Variants in NEURL1 observed in about 807,000 individuals in gnomAD.
The protein encoded by NEURL1 is neuralized E3 ubiquitin protein ligase 1.
A neutral mutation model predicts 41.2 loss-of-function variants in NEURL1; 26 were observed. That is an observed-to-expected ratio of 0.63 (90% confidence interval 0.46 to 0.87). NEURL1 has a LOEUF of 0.87. Ranked by LOEUF, NEURL1 falls within the 40% of genes least tolerant of loss-of-function variation. The pLI is 0.00. For synonymous variants in NEURL1, 400 were observed against 402.3 expected (o/e 0.99, Z 0.07); for missense variants, 761 against 871.1 (o/e 0.87, Z 1.59).
intron 4 of NEURL1, 45 bp downstream of exon 4, chr10:103,585,270 CG>C: frequency 2.1e-6 from 3 of 1,423,430 alleles, no homozygotes; most frequent in Non-Finnish European, 2.8e-6. Context: ...TTCCTGGAGG[CG>C]GGGACGATCC....
intron 1 of NEURL1, among the ~76,000 whole-genome samples, chr10:103,499,434 C>CTCCT (rs534142217): frequency 7.4e-5 from 11 of 149,516 alleles, no homozygotes; most frequent in African/African-American, 1.5e-4. Flanking sequence ...CTCTTCTTCC[C>CTCCT]TCCTTCCTTC....
chr10:103,522,842 C>T (rs2034384419), intron 1 of NEURL1, among the ~76,000 whole-genome samples: 2 of 152,044 alleles, frequency 1.3e-5, no homozygotes, highest in African/African-American at 2.4e-5. Flanking sequence ...GCACGCTCTC[C>T]AGTAGTCAGT....
intron 1 of NEURL1, chr10:103,555,381 T>G (rs2035128019): frequency 7.4e-7 from 1 of 1,358,072 alleles, no homozygotes; most frequent in Admixed American, 1.9e-5. Context: ...TCGCCGGAGA[T>G]GGGGGGACAG....
At chr10:103,507,552 T>C (rs1170570991) in intron 1 of NEURL1, among the ~76,000 whole-genome samples, 2 of 152,122 alleles carry the variant, frequency 1.3e-5, no homozygotes, top group Admixed American at 6.6e-5. Context: ...GTGCCATCTC[T>C]GAATCCTGAC....
intron 1 of NEURL1, among the ~76,000 whole-genome samples, chr10:103,513,993 T>C (rs916575708): frequency 2.0e-4 from 30 of 152,166 alleles, no homozygotes; most frequent in African/African-American, 7.0e-4. Flanking sequence ...ACTTTAGCCT[T>C]GGTTTCCCCC....
At chr10:103,568,988 T>A (rs2035483525) in intron 1 of NEURL1, among the ~76,000 whole-genome samples, 1 of 152,166 alleles carries the variant, frequency 6.6e-6, no homozygotes, top group Admixed American at 6.5e-5. Flanking sequence ...CTAATTTTTG[T>A]ATTTTTAGTA....
At chr10:103,535,297 G>A (rs2034667845) in intron 1 of NEURL1, among the ~76,000 whole-genome samples, 1 of 152,102 alleles carries the variant, frequency 6.6e-6, no homozygotes, top group Non-Finnish European at 1.5e-5. Context: ...CCCAGCTCTG[G>A]GGCAACAGAG....
intron 4 of NEURL1, among the ~76,000 whole-genome samples, chr10:103,587,950 G>A (rs1006218873): frequency 1.6e-4 from 24 of 152,220 alleles, no homozygotes; most frequent in African/African-American, 5.3e-4. Context: ...ACTTAGGTGT[G>A]TGCAGGGCAT....
At chr10:103,562,552 A>G (rs2035319813) in intron 1 of NEURL1, among the ~76,000 whole-genome samples, 1 of 152,246 alleles carries the variant, frequency 6.6e-6, no homozygotes, top group Non-Finnish European at 1.5e-5. Context: ...TGAGGATGGC[A>G]TAGAACCAAA....
chr10:103,574,377 AG>A (rs1290503788), intron 3 of NEURL1, among the ~76,000 whole-genome samples: 1 of 142,924 alleles, frequency 7.0e-6, no homozygotes, highest in Admixed American at 7.1e-5. Context: ...CAGGCCCCAC[AG>A]GGAGTGTTTT....
intron 1 of NEURL1, among the ~76,000 whole-genome samples, chr10:103,532,649 C>G (rs1252311328): frequency 6.6e-6 from 1 of 152,002 alleles, no homozygotes; most frequent in Non-Finnish European, 1.5e-5. Context: ...AATAGATATT[C>G]CTTTATATGT....
chr10:103,552,991 A>G (rs548768884), intron 1 of NEURL1, among the ~76,000 whole-genome samples: 13 of 152,346 alleles, frequency 8.5e-5, no homozygotes, highest in South Asian at 8.3e-4. Context: ...AGGAGAAGGC[A>G]GGAACCAAGG....
chr10:103,555,682 CAA>C (rs1592219069), intron 1 of NEURL1, among the ~76,000 whole-genome samples: 1 of 151,152 alleles, frequency 6.6e-6, no homozygotes, highest in East Asian at 1.9e-4. Flanking sequence ...AGGCTCCCCA[CAA>C]AGTCTCCTTG....
In NEURL1 at chr10:103,580,721, A is replaced by G. The variant is rs567868356; in HGVS notation, c.650-3815A>G. On this transcript the variant is annotated intron_variant, in intron 3 of 5. Transcript: ENST00000369780. ...TGAGGGGTGGAGAGGGAGAGAAGACAGACTTGGGCTGGGCACTGGCCCTAG... is the reference window on the plus strand; with the variant it reads ...TGAGGGGTGGAGAGGGAGAGAAGACGGACTTGGGCTGGGCACTGGCCCTAG... 1.2e-3 allele frequency among the ~76,000 whole-genome samples: 181 copies of G among 152,266 alleles called. No individual in the cohort carries two copies. The Middle Eastern group carries it at 0.024, about 20-fold the overall frequency.
intron 1 of NEURL1, among the ~76,000 whole-genome samples, chr10:103,562,962 C>T (rs149471933): frequency 0.013 from 2,018 of 152,242 alleles, 28 homozygotes; most frequent in South Asian, 0.047. Context: ...AGTTCCATCC[C>T]CACCTGTCCT....
chr10:103,496,292 A>G (rs1203201355), intron 1 of NEURL1, among the ~76,000 whole-genome samples: 1 of 152,218 alleles, frequency 6.6e-6, no homozygotes, highest in South Asian at 2.1e-4. Flanking sequence ...TTCTTGGTAG[A>G]GTACTATGCA....
Position 103,584,934 on chromosome 10 carries a change from C to A in NEURL1, c.1048C>A (p.Pro350Thr). 6.7e-7 allele frequency: 1 copy of A among 1,489,304 alleles called. No individual in the cohort carries two copies. Among genetic ancestry groups the A allele is most frequent in the Non-Finnish European group, 8.9e-7 (1 of 1,127,924 alleles). The allele number at this position is 1,489,304 out of a possible 1,614,324, so 92.3% of individuals were successfully genotyped here. ...VKVTRSGGAR[P>T]GALSFGVTTC... is the part of the protein sequence containing the mutation. ...GGTCACGCGCTCGGGTGGCGCGCGGCCCGGCGCGCTGTCGTTCGGCGTCAC... is the reference window on the plus strand; with the variant it reads ...GGTCACGCGCTCGGGTGGCGCGCGGACCGGCGCGCTGTCGTTCGGCGTCAC... Residue 350 changes from proline (P) to threonine (T), a missense_variant, in exon 4 of 6, where the codon CCC becomes ACC. Transcript: ENST00000369780.
chr10:103,540,254 C>G (rs533835420), intron 1 of NEURL1, among the ~76,000 whole-genome samples: 2 of 151,868 alleles, frequency 1.3e-5, no homozygotes, highest in Non-Finnish European at 2.9e-5. Flanking sequence ...TTAACCCCTG[C>G]TTTTCTGCTT....
chr10:103,557,851 A>G (rs1169914367), intron 1 of NEURL1, among the ~76,000 whole-genome samples: 1 of 152,142 alleles, frequency 6.6e-6, no homozygotes, highest in East Asian at 1.9e-4. Flanking sequence ...AGACACATTG[A>G]AATGGTCCTT....
Sources: allele counts gnomAD v4.1 joint callset (sites outside exome capture counted in the v4.1 genomes callset), GRCh38; gene constraint gnomAD v4.1.1; transcripts MANE v1.5; gene names NCBI Gene and HGNC (gene_info 2026-07-23, HGNC 2026-07-21).